Variants in NEK5 observed in about 807,000 individuals in gnomAD.
The protein encoded by NEK5 is NIMA related kinase 5.
A neutral mutation model predicts 109.2 loss-of-function variants in NEK5; 88 were observed. The ratio of observed to expected loss-of-function variants is 0.81; its 90% CI spans 0.68 to 0.96. The LOEUF is 0.96. NEK5 is among the 40% of genes least tolerant of loss of function. NEK5 has a pLI of 0.00. For synonymous variants in NEK5, 283 were observed against 299.9 expected, an observed-to-expected ratio of 0.94 and a Z score of 0.58; for missense variants, 834 against 920.7, an observed-to-expected ratio of 0.91 and a Z score of 1.22.
rs528949475 is a variant in NEK5 at position 52,118,125 on chromosome 13, A to C, written c.214+1194T>G. 8.9e-4 allele frequency among the ~76,000 whole-genome samples: 135 copies of C among 152,362 alleles called. 1 individual carries two copies. In the South Asian group the frequency reaches 9.3e-3, roughly 11 times the overall value. ...TACCTTGAATGTAGCGGTTTTAATC[A>C]GTAAGGAACACAGTGCTCTGCACAG... On this transcript the variant is annotated intron_variant, in intron 4 of 23. Transcript: ENST00000684899.
chr13:52,118,042 A>G (rs1365084650), intron 4 of NEK5, among the ~76,000 whole-genome samples: 3 of 152,174 alleles, frequency 2.0e-5, no homozygotes, highest in Non-Finnish European at 2.9e-5. Context: ...ACCTCAGAAG[A>G]GTCCCAAGAG....
intron 12 of NEK5, among the ~76,000 whole-genome samples, chr13:52,098,302 A>G (rs1955461288): frequency 7.0e-6 from 1 of 143,132 alleles, no homozygotes; most frequent in African/African-American, 2.5e-5. Flanking sequence ...ATAAATAAAT[A>G]AAGCCCTTTA....
intron 20 of NEK5, among the ~76,000 whole-genome samples, chr13:52,066,060 T>C (rs955976214): frequency 3.3e-5 from 5 of 152,202 alleles, no homozygotes; most frequent in Non-Finnish European, 7.3e-5. Flanking sequence ...ACTATAATAA[T>C]TTCAATTTTT....
chr13:52,112,469 A>G, intron 4 of NEK5, 104 bp from the exon 5 acceptor site: 1 of 694,348 alleles, frequency 1.4e-6, no homozygotes, highest in South Asian at 2.0e-5. Flanking sequence ...CCACTATACC[A>G]TTTATATTTC....
chr13:52,077,979 C>G, intron 17 of NEK5, among the ~76,000 whole-genome samples: 1 of 151,448 alleles, frequency 6.6e-6, no homozygotes, highest in East Asian at 1.9e-4. Flanking sequence ...GAGGCTGAGG[C>G]AGAAGAATCA....
chr13:52,099,860 T>C lies in NEK5; in HGVS notation c.909A>G (p.Lys303=), dbSNP rs771009906. The C allele has an allele frequency of 6.2e-7, 1 of 1,613,688 alleles. No homozygotes were observed. The highest frequency in any genetic ancestry group is 8.5e-7 in the Non-Finnish European group (1 of 1,179,726). ...GKVVQKCKIQ[K]VRFQGKCPPR... The stretch of plus-strand genomic sequence containing the variant: ...GTGGGCACTTTCCCTGGAATCTCAC[T>C]TTTTGTATTTTACACTCTTAATTAA... The change falls in exon 12 of 24, where the codon AAA becomes AAG. Residue 303 remains lysine, a synonymous_variant. Transcript: ENST00000684899.
At chr13:52,098,665 CAG>C (rs1955468866) in intron 12 of NEK5, among the ~76,000 whole-genome samples, 3 of 152,224 alleles carry the variant, frequency 2.0e-5, no homozygotes, top group Admixed American at 2.0e-4. Context: ...ATATTAAATG[CAG>C]AGTGTTTTCT....
intron 17 of NEK5, among the ~76,000 whole-genome samples, chr13:52,079,774 T>G (rs1308804324): frequency 1.6e-5 from 2 of 123,002 alleles, no homozygotes. Context: ...GTCTGGGACG[T>G]GAGGAGCCCC....
chr13:52,088,583 T>A (rs1482272331), intron 14 of NEK5, among the ~76,000 whole-genome samples: 1 of 151,890 alleles, frequency 6.6e-6, no homozygotes, highest in Non-Finnish European at 1.5e-5. Flanking sequence ...TGCAGCAGAA[T>A]CTTTAACAAA....
At chr13:52,100,689 C>T (rs1290753158) in intron 11 of NEK5, among the ~76,000 whole-genome samples, 3 of 152,056 alleles carry the variant, frequency 2.0e-5, no homozygotes, top group Non-Finnish European at 2.9e-5. Context: ...GCCTGGGCAA[C>T]ACAGTGAGAC....
chr13:52,057,507 T>A (rs1369612959), intron 22 of NEK5, among the ~76,000 whole-genome samples: 1 of 152,120 alleles, frequency 6.6e-6, no homozygotes, highest in Non-Finnish European at 1.5e-5. Context: ...AAAGAGAATT[T>A]TAGACCAATA....
chr13:52,127,446 C>T lies in NEK5; in HGVS notation c.37G>A (p.Gly13Ser). The T allele has an allele frequency of 6.2e-7, 1 of 1,612,504 alleles. No individual in the cohort carries two copies. Among genetic ancestry groups the T allele is most frequent in the Non-Finnish European group, 8.5e-7 (1 of 1,178,526 alleles). ...KYDVIKAIGQGAFGKAYLAKG... is the reference protein window; with the variant it reads ...KYDVIKAIGQSAFGKAYLAKG... ...GCTAAGTATGCTTTCCCGAAGGCAC[C>T]TTGCCCGATGGCCTTAATCACATCG... is the stretch of plus-strand genomic sequence containing the variant. Residue 13 changes from glycine (G) to serine (S), a missense_variant, in exon 3 of 24, where the codon GGT (glycine) becomes AGT (serine). By Grantham distance (56) the Gly-to-Ser change is moderately conservative. Transcript: ENST00000684899.
chr13:52,124,636 G>C (rs565756926), intron 3 of NEK5, among the ~76,000 whole-genome samples: 1 of 152,124 alleles, frequency 6.6e-6, no homozygotes, highest in Middle Eastern at 3.4e-3. Context: ...TCAAATTTTT[G>C]TACCATGACT....
At chr13:52,104,575 T>C (rs1955613101) in intron 8 of NEK5, 23 bp from the exon 9 acceptor site, 3 of 1,543,132 alleles carry the variant, frequency 1.9e-6, no homozygotes, top group South Asian at 1.1e-5. Context: ...AGAGTTTACA[T>C]GCCAAGAAAA....
chr13:52,070,492 G>C (rs1360516688), intron 20 of NEK5, among the ~76,000 whole-genome samples: 1 of 152,138 alleles, frequency 6.6e-6, no homozygotes, highest in African/African-American at 2.4e-5. Flanking sequence ...TGCTGTTCTC[G>C]TGATGGTGAA....
intron 16 of NEK5, among the ~76,000 whole-genome samples, chr13:52,084,979 C>T (rs1400828823): frequency 3.3e-5 from 5 of 152,042 alleles, no homozygotes; most frequent in Non-Finnish European, 7.4e-5. Context: ...GTAATAGCTA[C>T]GTGACTTTGG....
At chr13:52,064,116 G>A (rs1374052281) in intron 21 of NEK5, among the ~76,000 whole-genome samples, 17 of 142,696 alleles carry the variant, frequency 1.2e-4, no homozygotes, top group Admixed American at 1.0e-3. Flanking sequence ...CTGCCCGGCC[G>A]CCCCTACTGG....
chr13:52,100,358 T>C (rs1470930071), intron 11 of NEK5, among the ~76,000 whole-genome samples: 1 of 152,004 alleles, frequency 6.6e-6, no homozygotes, highest in Non-Finnish European at 1.5e-5. Flanking sequence ...ACCTCCCGAG[T>C]TCATGCGATT....
intron 23 of NEK5, among the ~76,000 whole-genome samples, chr13:52,044,141 G>A (rs936951392): frequency 2.0e-5 from 3 of 152,206 alleles, no homozygotes; most frequent in African/African-American, 7.2e-5. Flanking sequence ...TTTCTCCTAT[G>A]CTGGATGCTT....
Sources: gnomAD v4.1 joint callset for allele counts (sites outside exome capture counted in the v4.1 genomes callset) on GRCh38, gnomAD v4.1.1 for gene constraint, MANE v1.5 for transcripts, NCBI Gene and HGNC (gene_info 2026-07-23, HGNC 2026-07-21) for gene names.